Variants in DIAPH1 observed in about 807,000 individuals in gnomAD.
DIAPH1 encodes diaphanous related formin 1.
DIAPH1 carries 46 observed loss-of-function variants against 140.7 expected under a neutral mutation model. The ratio of observed to expected loss-of-function variants is 0.33; its 90% CI spans 0.26 to 0.42. The LOEUF (loss-of-function observed/expected upper bound fraction) is 0.42, where lower values mean the gene tolerates loss of function less well. Ranked by LOEUF, DIAPH1 falls within the 10% of genes least tolerant of loss-of-function variation. The probability of loss-of-function intolerance (pLI) is 1.00; values close to 1 mark genes in which losing one functional copy is unlikely to be tolerated. For missense variants in DIAPH1, 1,310 were observed against 1,558.7 expected (o/e 0.84, Z 2.69); for synonymous variants, 565 against 551.6 (o/e 1.02, Z -0.34).
At chr5:141,605,325 G>A (rs114781905) in intron 1 of DIAPH1, among the ~76,000 whole-genome samples, 318 of 152,164 alleles carry the variant, frequency 2.1e-3, no homozygotes, top group African/African-American at 7.4e-3. Context: ...TTTGTGCATA[G>A]AGATAATGAC....
intron 1 of DIAPH1, among the ~76,000 whole-genome samples, chr5:141,616,223 A>C (rs1210356617): frequency 6.6e-6 from 1 of 152,222 alleles, no homozygotes; most frequent in Non-Finnish European, 1.5e-5. Flanking sequence ...GATGCCTCAG[A>C]GGGTAAGAGC....
At chr5:141,522,176 T>C (rs1377272727) in intron 27 of DIAPH1, among the ~76,000 whole-genome samples, 1 of 152,222 alleles carries the variant, frequency 6.6e-6, no homozygotes, top group Non-Finnish European at 1.5e-5. Context: ...TTCTCCCAGA[T>C]ATATTCAAGT....
chr5:141,579,136 G>T lies in DIAPH1; in HGVS notation c.885C>A (p.Phe295Leu). The T allele has an allele frequency of 6.2e-7, 1 of 1,614,172 alleles. No individual in the cohort carries two copies. The highest frequency in any genetic ancestry group is 8.5e-7 in the Non-Finnish European group (1 of 1,180,028). Residue 295 changes from phenylalanine to leucine, a missense_variant, in exon 9 of 28, where the codon TTC (phenylalanine) becomes TTA (leucine). Coordinates refer to ENST00000389054, the MANE Select transcript of DIAPH1 (RefSeq NM_005219.5). ...ERAEMDEVER[F>L]QPLLDGLKSG... ...TTTTTAATCCATCCAGCAGCGGCTG[G>T]AAACGTTCCACTTCATCCATCTCAG...
intron 15 of DIAPH1, among the ~76,000 whole-genome samples, 170 bp from the exon 16 acceptor site, chr5:141,574,378 A>C (rs539931535): frequency 1.3e-5 from 2 of 152,224 alleles, no homozygotes; most frequent in Non-Finnish European, 2.9e-5. Context: ...TTGGCAGCAG[A>C]GCCAAAACTA....
At chr5:141,558,351 C>T (rs2154595874) in intron 18 of DIAPH1, 1 of 152,174 alleles carries the variant, frequency 6.6e-6, no homozygotes, top group East Asian at 1.9e-4. Flanking sequence ...CTAATGACCC[C>T]CGGAATCCCA....
At chr5:141,555,573 G>C (rs1281121268) in intron 18 of DIAPH1, among the ~76,000 whole-genome samples, 1 of 152,172 alleles carries the variant, frequency 6.6e-6, no homozygotes, top group Non-Finnish European at 1.5e-5. Context: ...GCAAAGATGA[G>C]AAGTCCAGAA....
At chr5:141,571,870 GA>G in intron 17 of DIAPH1, 55 bp downstream of exon 17, 1 of 1,292,508 alleles carries the variant, frequency 7.7e-7, no homozygotes, top group Non-Finnish European at 1.1e-6. Flanking sequence ...GAAACCTAAT[GA>G]AAAAATATTC....
At chr5:141,566,382 ATTGT>A (rs1212484766) in intron 18 of DIAPH1, among the ~76,000 whole-genome samples, 1 of 152,220 alleles carries the variant, frequency 6.6e-6, no homozygotes, top group Non-Finnish European at 1.5e-5. Flanking sequence ...CAAGAGCTAA[ATTGT>A]TTGAGAAATG....
rs202157915 is a variant in DIAPH1 at position 141,515,223 on chromosome 5, GGGA to G, written c.*1625_*1627del. On this transcript the variant is annotated 3_prime_UTR_variant, in exon 28 of 28. Transcript: ENST00000389054. ...TCAAAGCCCCAGATGTCAGCGAGCA[GGGA>G]GGAGGTGACCCAGGGGAGCAACAGA... is the stretch of plus-strand genomic sequence containing the variant. 0.017 allele frequency: 2,539 copies of G among 152,598 alleles called. 45 individuals are homozygous for G. Among genetic ancestry groups the G allele is most frequent in the Non-Finnish European group, 0.026 (1,743 of 68,016 alleles). 9.5% of individuals were successfully genotyped at this position (152,598 alleles called of 1,614,324 possible). A position where few individuals can be genotyped will look rare whatever the true frequency, so the allele number is the denominator to read the frequency against.
At chr5:141,588,697 T>C (rs1219573543) in intron 1 of DIAPH1, among the ~76,000 whole-genome samples, 2 of 152,114 alleles carry the variant, frequency 1.3e-5, no homozygotes, top group African/African-American at 2.4e-5. Flanking sequence ...TATAGCCACT[T>C]TGGAAAACAG....
At chr5:141,599,521 G>T (rs1281208537) in intron 1 of DIAPH1, among the ~76,000 whole-genome samples, 1 of 152,134 alleles carries the variant, frequency 6.6e-6, no homozygotes, top group Non-Finnish European at 1.5e-5. Context: ...TGTGTTCTTG[G>T]CTCACTGCAA....
intron 21 of DIAPH1, 28 bp from the exon 22 acceptor site, chr5:141,528,969 A>G: frequency 6.2e-7 from 1 of 1,613,676 alleles, no homozygotes. Flanking sequence ...CAGTTCCATT[A>G]CAGTCAAAAG....
intron 1 of DIAPH1, among the ~76,000 whole-genome samples, chr5:141,615,480 G>A (rs1004184791): frequency 4.7e-5 from 7 of 148,312 alleles, no homozygotes; most frequent in East Asian, 2.0e-4. Context: ...GGTGGCTCAC[G>A]CCTGTAATCC....
intron 19 of DIAPH1, 26 bp from the exon 20 acceptor site, chr5:141,529,723 A>T: frequency 6.3e-7 from 1 of 1,594,172 alleles, no homozygotes; most frequent in Non-Finnish European, 8.6e-7. Flanking sequence ...ATATTAAGAC[A>T]TGTTCTTCTC....
rs1276122479 is a variant in DIAPH1, at chr5:141,573,927, T to G, written c.1923A>C (p.Pro641=). The G allele has an allele frequency of 1.4e-5, 21 of 1,514,132 alleles. No homozygotes were observed. The highest frequency in any genetic ancestry group is 1.3e-4 in the African/African-American group (8 of 61,352). 93.8% of individuals were successfully genotyped at this position (1,514,132 alleles called of 1,614,324 possible). ...TAGCATCCCCAGACAAAGGAGGGGG[T>G]GGAGAGATAGCAGTACCTCCAGGTA... ...PSLPGGTAIS[P]PPPLSGDATI... The change falls in exon 16 of 28, where the codon CCA becomes CCC. Residue 641 remains proline (P), a synonymous_variant. Transcript: ENST00000389054.
rs56117502 is a variant in DIAPH1, at chr5:141,591,695, G to GATATATATATATATAT, written c.118-3461_118-3446dup. 5.5e-3 allele frequency among the ~76,000 whole-genome samples: 470 copies of GATATATATATATATAT among 86,216 alleles called. 22 individuals carry two copies. The highest frequency in any genetic ancestry group is 0.012 in the African/African-American group (202 of 17,420). 56.6% of individuals were successfully genotyped at this position (86,216 alleles called of 152,430 possible). A position where few individuals can be genotyped will look rare whatever the true frequency, so the allele number is the denominator to read the frequency against. On this transcript the variant is annotated intron_variant, in intron 1 of 27. Coordinates refer to ENST00000389054, the MANE Select transcript of DIAPH1 (RefSeq NM_005219.5). ...TGGAAAAGGAAGGAAGGGAGATGGG[G>GATATATATATATATAT]ATATATATATATATATATATATATA...
chr5:141,566,453 G>A (rs371709677), intron 18 of DIAPH1, among the ~76,000 whole-genome samples: 5 of 152,176 alleles, frequency 3.3e-5, no homozygotes, highest in Admixed American at 2.6e-4. Context: ...GTGACATAAC[G>A]ATGTCATAAG....
At chr5:141,546,383 C>T (rs899343995) in intron 18 of DIAPH1, among the ~76,000 whole-genome samples, 4 of 152,004 alleles carry the variant, frequency 2.6e-5, no homozygotes, top group Non-Finnish European at 4.4e-5. Flanking sequence ...ACCAGCCAGG[C>T]GTGGTGGCTC....
chr5:141,599,055 G>A (rs994762280), intron 1 of DIAPH1, among the ~76,000 whole-genome samples: 4 of 151,940 alleles, frequency 2.6e-5, no homozygotes, highest in Non-Finnish European at 4.4e-5. Flanking sequence ...TCAGAAAAAG[G>A]GCCCAGAGAA....
Sources: gnomAD v4.1 joint callset for allele counts (sites outside exome capture counted in the v4.1 genomes callset) on GRCh38, gnomAD v4.1.1 for gene constraint, MANE v1.5 for transcripts, NCBI Gene and HGNC (gene_info 2026-07-23, HGNC 2026-07-21) for gene names.